FAM163A: variants seen among roughly 807,000 people sequenced by gnomAD.
FAM163A encodes protein FAM163A.
In FAM163A, 7 loss-of-function variants were observed where a neutral mutation model predicts 12.0. That is an observed-to-expected ratio of 0.58 (90% CI 0.33 to 1.10). The LOEUF (loss-of-function observed/expected upper bound fraction) is 1.10. Ranked by LOEUF, FAM163A falls within the 50% of genes least tolerant of loss-of-function variation. The probability of loss-of-function intolerance (pLI) is 0.03; values close to 1 mark genes in which losing one functional copy is unlikely to be tolerated. For synonymous variants in FAM163A, 101 were observed against 91.0 expected, an observed-to-expected ratio of 1.11 and a Z score of -0.62; for missense variants, 202 against 218.6, an observed-to-expected ratio of 0.92 and a Z score of 0.48.
At chr1:179,741,755 A>T (rs1683670285), upstream of FAM163A, among the ~76,000 whole-genome samples, 1 of 152,242 alleles carries the variant, frequency 6.6e-6, no homozygotes, top group Admixed American at 6.5e-5. Flanking sequence ...TTAGGGATAC[A>T]TTACAAATTG....
At chr1:179,795,605 A>G (rs1692180574) in intron 1 of FAM163A, among the ~76,000 whole-genome samples, 1 of 152,226 alleles carries the variant, frequency 6.6e-6, no homozygotes, top group Admixed American at 6.5e-5. Context: ...CATGAGCGAA[A>G]TAAGCTTCTG....
chr1:179,812,507 C>A (rs1333368354), intron 3 of FAM163A, among the ~76,000 whole-genome samples: 1 of 152,170 alleles, frequency 6.6e-6, no homozygotes. Flanking sequence ...GTGGCCCTTT[C>A]CCCGCCAGCC....
intron 1 of FAM163A, among the ~76,000 whole-genome samples, chr1:179,799,931 T>G (rs6701652): frequency 0.36 from 53,991 of 152,040 alleles, 9,838 homozygotes; most frequent in Middle Eastern, 0.5. Context: ...ATCAGAAAAG[T>G]CTGGGAGCTG....
chr1:179,774,458 C>CT (rs1313562613), intron 1 of FAM163A, among the ~76,000 whole-genome samples: 5 of 152,178 alleles, frequency 3.3e-5, no homozygotes, highest in Non-Finnish European at 7.4e-5. Context: ...TCCCTATGTG[C>CT]TTTTTTCTCC....
intron 1 of FAM163A, among the ~76,000 whole-genome samples, chr1:179,786,085 C>G (rs1037125633): frequency 1.3e-5 from 2 of 151,976 alleles, no homozygotes; most frequent in Non-Finnish European, 2.9e-5. Flanking sequence ...TTCCCCACTC[C>G]CTTGCCAAAA....
At chr1:179,756,694 G>A (rs1246902684) in intron 1 of FAM163A, among the ~76,000 whole-genome samples, 1 of 152,204 alleles carries the variant, frequency 6.6e-6, no homozygotes, top group African/African-American at 2.4e-5. Context: ...GAGTGCCTAA[G>A]GCAGGCATGG....
At chr1:179,777,610 G>A (rs900021739) in intron 1 of FAM163A, among the ~76,000 whole-genome samples, 1 of 152,104 alleles carries the variant, frequency 6.6e-6, no homozygotes, top group African/African-American at 2.4e-5. Context: ...GCTGCTTCCT[G>A]GTACACTCCT....
At chr1:179,742,760 TC>T (rs1683816367), upstream of FAM163A, 2 of 152,382 alleles carry the variant, frequency 1.3e-5, no homozygotes, top group African/African-American at 4.8e-5. Context: ...TCCTGCCTCT[TC>T]CTGCCAGACT....
chr1:179,761,525 C>T (rs541269232), intron 1 of FAM163A, among the ~76,000 whole-genome samples: 163 of 152,310 alleles, frequency 1.1e-3, no homozygotes, highest in African/African-American at 3.8e-3. Flanking sequence ...CAGCCGGTAG[C>T]CTTGATGTCT....
the FAM163A span, among the ~76,000 whole-genome samples, chr1:179,729,977 CCATTAGGAGATTTGAG>C: frequency 6.6e-6 from 1 of 152,188 alleles, no homozygotes; most frequent in African/African-American, 2.4e-5. Context: ...CTGTCAAGCT[CCATTAGGAGATTTGAG>C]CATCAGCCTC....
At chr1:179,781,933 CAAAAAA>C (rs58962319) in intron 1 of FAM163A, among the ~76,000 whole-genome samples, 11 of 119,416 alleles carry the variant, frequency 9.2e-5, no homozygotes, top group Admixed American at 3.0e-4. Flanking sequence ...GAATCCGTAT[CAAAAAA>C]AAAAAAAAAA....
chr1:179,778,319 A>C (rs544319102), intron 1 of FAM163A, among the ~76,000 whole-genome samples: 2 of 152,308 alleles, frequency 1.3e-5, no homozygotes, highest in South Asian at 4.1e-4. Context: ...GGTGCTGATC[A>C]GGTGAAAATG....
intron 1 of FAM163A, among the ~76,000 whole-genome samples, chr1:179,806,612 T>C (rs779678945): frequency 4.6e-5 from 7 of 152,216 alleles, no homozygotes; most frequent in Admixed American, 1.3e-4. Flanking sequence ...TGGTTAGCCC[T>C]GTCCCCTTGG....
the FAM163A span, among the ~76,000 whole-genome samples, chr1:179,735,630 A>G: frequency 1.4e-5 from 2 of 146,996 alleles, no homozygotes; most frequent in East Asian, 4.1e-4. Context: ...CAGCCTCCTG[A>G]GTAGCTGGGA....
intron 1 of FAM163A, among the ~76,000 whole-genome samples, chr1:179,768,547 A>G (rs951996666): frequency 2.6e-5 from 4 of 151,934 alleles, no homozygotes; most frequent in African/African-American, 9.7e-5. Context: ...ATCACTGTAC[A>G]CCTGTGAGAA....
At position 179,744,207 on chromosome 1, in the gene FAM163A, G is replaced by A. The variant is rs1006994604; in HGVS notation, c.-136+784G>A. Among the ~76,000 whole-genome samples, 4 of 152,198 alleles carry A rather than the reference G, an allele frequency of 2.6e-5. No homozygotes were observed. The South Asian group carries it at 6.2e-4, about 24-fold the overall frequency. ...GGACGGAGAAGCCGGACGTGCCCGT[G>A]GGGCCGCGGTGTCCTTGCTCCCGAG... is the stretch of plus-strand genomic sequence containing the variant. On this transcript the variant is annotated intron_variant, in intron 1 of 4. Coordinates refer to ENST00000341785, the MANE Select transcript of FAM163A (RefSeq NM_173509.3).
Position 179,746,401 on chromosome 1 carries a change from C to T in FAM163A, c.-136+2978C>T, listed in dbSNP as rs572078371. On this transcript the variant is annotated intron_variant, in intron 1 of 4. Coordinates refer to ENST00000341785, the MANE Select transcript of FAM163A (RefSeq NM_173509.3). ...ATGGTACTTCCAGAGAGTCAAATAG[C>T]GTCCTATTCATTCATGGAAAAAAGA... is the stretch of plus-strand genomic sequence containing the variant. Among the ~76,000 whole-genome samples, 158 of 152,226 alleles carry T rather than the reference C, an allele frequency of 1.0e-3. 2 individuals are homozygous for T. The highest frequency in any genetic ancestry group is 3.4e-3 in the Middle Eastern group (1 of 294).
chr1:179,773,285 TGTG>T (rs1557925387), intron 1 of FAM163A, among the ~76,000 whole-genome samples: 1 of 152,102 alleles, frequency 6.6e-6, no homozygotes. Flanking sequence ...GTATCTTGAC[TGTG>T]GTGGTGGTCA....
intron 1 of FAM163A, among the ~76,000 whole-genome samples, chr1:179,788,713 A>G (rs531778825): frequency 2.6e-4 from 40 of 152,326 alleles, no homozygotes; most frequent in African/African-American, 8.7e-4. Context: ...TATATCTGGT[A>G]TGGCATTATG....
Sources: allele counts gnomAD v4.1 joint callset (sites outside exome capture counted in the v4.1 genomes callset), GRCh38; gene constraint gnomAD v4.1.1; transcripts MANE v1.5; gene names NCBI Gene and HGNC (gene_info 2026-07-23, HGNC 2026-07-21).